Variants in ATP8B4 observed in about 807,000 individuals in gnomAD.
The protein encoded by ATP8B4 is probable phospholipid-transporting ATPase IM.
A neutral mutation model predicts 145.6 loss-of-function variants in ATP8B4; 133 were observed. That is an observed-to-expected ratio of 0.91 (90% CI 0.79 to 1.05). The LOEUF is 1.05. ATP8B4 is among the 50% of genes least tolerant of loss of function. ATP8B4 has a pLI of 0.00. For missense variants in ATP8B4, 1,458 were observed against 1,425.2 expected (o/e 1.02, Z -0.37); for synonymous variants, 507 against 492.9 (o/e 1.03, Z -0.38).
chr15:50,095,369 G>A (rs2055905324), intron 2 of ATP8B4, among the ~76,000 whole-genome samples: 1 of 152,142 alleles, frequency 6.6e-6, no homozygotes, highest in Admixed American at 6.5e-5. Flanking sequence ...GTAGATGGCA[G>A]AATAAATACT....
intron 23 of ATP8B4, among the ~76,000 whole-genome samples, chr15:49,894,004 C>A (rs2037115649): frequency 6.6e-6 from 1 of 152,200 alleles, no homozygotes; most frequent in African/African-American, 2.4e-5. Context: ...GCTGACCCCA[C>A]AGCATTGATG....
At chr15:50,165,475 G>C (rs574044713) in intron 1 of ATP8B4, among the ~76,000 whole-genome samples, 2 of 152,230 alleles carry the variant, frequency 1.3e-5, no homozygotes, top group East Asian at 1.9e-4. Context: ...TGTTCCTGGT[G>C]GGGGATGGTG....
In ATP8B4 at chr15:50,054,796, A is replaced by C. The variant is rs1013537422; in HGVS notation, c.88-7332T>G. 2.8e-3 allele frequency among the ~76,000 whole-genome samples: 386 copies of C among 139,352 alleles called. 2 individuals are homozygous for C. The highest frequency in any genetic ancestry group is 0.017 in the East Asian group (85 of 5,110). The allele number at this position is 139,352 out of a possible 152,430, so 91.4% of individuals were successfully genotyped here. A position where few individuals can be genotyped will look rare whatever the true frequency, so the allele number is the denominator to read the frequency against. ...GAGACTCCGCCTCAAAAAAAAAAAAAAAAAAAAAAAAAACAAAAAAAAAAA... is the reference window on the plus strand; with the variant it reads ...GAGACTCCGCCTCAAAAAAAAAAAACAAAAAAAAAAAAACAAAAAAAAAAA... On this transcript the variant is annotated intron_variant, in intron 3 of 27. Coordinates refer to ENST00000284509, the MANE Select transcript of ATP8B4 (RefSeq NM_024837.4).
chr15:50,166,464 G>A (rs2414032), intron 1 of ATP8B4, among the ~76,000 whole-genome samples: 85,543 of 152,024 alleles, frequency 0.56, 24,754 homozygotes, highest in East Asian at 0.93. Context: ...CAGGAAATAA[G>A]CTCCTGTAGA....
At chr15:50,081,437 T>C (rs1218697841) in intron 2 of ATP8B4, among the ~76,000 whole-genome samples, 1 of 152,178 alleles carries the variant, frequency 6.6e-6, no homozygotes, top group African/African-American at 2.4e-5. Flanking sequence ...CCCAAGAAGA[T>C]CTTGAAGTAA....
chr15:49,879,631 G>A (rs1746633580), intron 23 of ATP8B4, 172 bp from the exon 24 acceptor site: 1 of 588,802 alleles, frequency 1.7e-6, no homozygotes, highest in African/African-American at 1.9e-5. Context: ...GCCTTAATGG[G>A]ATACTAGATC....
At chr15:50,157,029 A>C (rs915771666) in intron 1 of ATP8B4, among the ~76,000 whole-genome samples, 1 of 152,144 alleles carries the variant, frequency 6.6e-6, no homozygotes, top group African/African-American at 2.4e-5. Flanking sequence ...ACCAAGATTA[A>C]TGTTCAGAAA....
In ATP8B4 at chr15:49,891,236, C is replaced by T. The variant is rs189444610; in HGVS notation, c.2697+6056G>A. 6.1e-4 allele frequency among the ~76,000 whole-genome samples: 93 copies of T among 151,858 alleles called. 1 individual carries two copies. The highest frequency in any genetic ancestry group is 2.1e-3 in the African/African-American group (88 of 41,398). On this transcript the variant is annotated intron_variant, in intron 23 of 27. Coordinates refer to ENST00000284509, the MANE Select transcript of ATP8B4 (RefSeq NM_024837.4). ...GCTTGCAGACTAATTGTGCCTAAGT[C>T]ATCCCAGATCCTCCTAAGTCATCCT...
chr15:50,103,921 A>G (rs1005367253), intron 2 of ATP8B4, among the ~76,000 whole-genome samples: 3 of 152,198 alleles, frequency 2.0e-5, no homozygotes, highest in Non-Finnish European at 4.4e-5. Context: ...AGCCAGAAGT[A>G]AAGCTAAATA....
chr15:50,043,795 T>C (rs927891742), intron 5 of ATP8B4, among the ~76,000 whole-genome samples: 2 of 149,702 alleles, frequency 1.3e-5, no homozygotes, highest in Admixed American at 1.3e-4. Context: ...CTACTAAAAA[T>C]ACAAAAAATT....
At chr15:49,925,839 G>A (rs1224275853) in intron 16 of ATP8B4, among the ~76,000 whole-genome samples, 1 of 151,938 alleles carries the variant, frequency 6.6e-6, no homozygotes, top group East Asian at 1.9e-4. Flanking sequence ...AAGCCTTCTG[G>A]TCGTTTCTGT....
chr15:50,011,908 C>T lies in ATP8B4; in HGVS notation c.363-991G>A, dbSNP rs562614080. Among the ~76,000 whole-genome samples the T allele has an allele frequency of 2.1e-4, 32 of 152,160 alleles. 2 individuals are homozygous for T. The South Asian group carries it at 6.6e-3, about 32-fold the overall frequency. On this transcript the variant is annotated intron_variant, in intron 6 of 27. Coordinates refer to ENST00000284509, the MANE Select transcript of ATP8B4 (RefSeq NM_024837.4). ...TTCATTGTACTTTAAAAAAAATAAC[C>T]TAATTTACTTGTTTTATAGGCTGGA...
intron 1 of ATP8B4, among the ~76,000 whole-genome samples, chr15:50,138,407 G>A (rs555644463): frequency 6.7e-4 from 45 of 67,624 alleles, no homozygotes; most frequent in South Asian, 5.6e-4. Context: ...CAGACAGAGA[G>A]ATGATAGATA....
At chr15:49,919,851 A>C (rs1317955413) in intron 18 of ATP8B4, among the ~76,000 whole-genome samples, 3 of 152,218 alleles carry the variant, frequency 2.0e-5, no homozygotes, top group African/African-American at 7.2e-5. Context: ...AGATATCATC[A>C]GAATCTCATG....
chr15:49,998,758 T>C (rs2047638010), intron 8 of ATP8B4, among the ~76,000 whole-genome samples: 1 of 152,156 alleles, frequency 6.6e-6, no homozygotes, highest in African/African-American at 2.4e-5. Context: ...ATCCCATTTG[T>C]CAATTTTGGC....
rs2035021876 is a variant in ATP8B4 at position 49,879,363 on chromosome 15, A to G, written c.2781+13T>C. On this transcript the variant is annotated intron_variant, in intron 24 of 27. Transcript: ENST00000284509. ...AAGAGAAACTAAGTTATAAAGATGG[A>G]AAAAAAACATACCTGGTCAAAAATC... 1 of 1,595,514 alleles carries G rather than the reference A, an allele frequency of 6.3e-7. No homozygotes were observed.
chr15:49,904,350 C>A (rs193180008), intron 20 of ATP8B4, among the ~76,000 whole-genome samples: 15 of 152,282 alleles, frequency 9.9e-5, no homozygotes, highest in East Asian at 9.6e-4. Flanking sequence ...AACCACTGAA[C>A]CAGTTTCATT....
At chr15:49,992,204 G>A (rs950893156) in intron 9 of ATP8B4, among the ~76,000 whole-genome samples, 1 of 152,192 alleles carries the variant, frequency 6.6e-6, no homozygotes, top group African/African-American at 2.4e-5. Context: ...TCAGCATGGT[G>A]CCTGGTACAT....
chr15:50,099,452 A>G (rs973142873), intron 2 of ATP8B4, among the ~76,000 whole-genome samples: 1 of 151,842 alleles, frequency 6.6e-6, no homozygotes, highest in Non-Finnish European at 1.5e-5. Flanking sequence ...GCTACTTTTT[A>G]AATTTTTGGT....
Sources: allele counts gnomAD v4.1 joint callset (sites outside exome capture counted in the v4.1 genomes callset), GRCh38; gene constraint gnomAD v4.1.1; transcripts MANE v1.5; gene names NCBI Gene and HGNC (gene_info 2026-07-23, HGNC 2026-07-21).